Variants in FMN2 observed in about 807,000 individuals in gnomAD.
The protein encoded by FMN2 is formin-2.
A neutral mutation model predicts 142.3 loss-of-function variants in FMN2; 51 were observed. The observed-to-expected ratio is 0.36, with a 90% CI of 0.29 to 0.45. The LOEUF (loss-of-function observed/expected upper bound fraction) is 0.45. FMN2 is among the 20% of genes least tolerant of loss of function. The probability of loss-of-function intolerance (pLI) is 1.00; values close to 1 mark genes in which losing one functional copy is unlikely to be tolerated. For synonymous variants in FMN2, 882 were observed against 869.8 expected (o/e 1.01, Z -0.25); for missense variants, 1,936 against 2,122.8 (o/e 0.91, Z 1.73).
chr1:240,161,784 A>G (rs1664292938), intron 2 of FMN2, among the ~76,000 whole-genome samples: 1 of 152,156 alleles, frequency 6.6e-6, no homozygotes. Flanking sequence ...AAAGATAATG[A>G]AAGTTGATAT....
At chr1:240,359,571 C>A (rs1421424169) in intron 14 of FMN2, among the ~76,000 whole-genome samples, 1 of 152,144 alleles carries the variant, frequency 6.6e-6, no homozygotes, top group Non-Finnish European at 1.5e-5. Context: ...GCCCTGCAAC[C>A]CATTCAATTT....
chr1:240,197,217 A>G (rs537115491), intron 4 of FMN2, among the ~76,000 whole-genome samples: 17 of 152,192 alleles, frequency 1.1e-4, no homozygotes, highest in African/African-American at 4.1e-4. Context: ...AAAACCCCCA[A>G]AATTGATGGG....
At chr1:240,319,385 C>G (rs73124120) in intron 8 of FMN2, among the ~76,000 whole-genome samples, 23,584 of 152,174 alleles carry the variant, frequency 0.15, 1,840 homozygotes, top group South Asian at 0.23. Flanking sequence ...CCTTAGAACA[C>G]TGGTTCCTTG....
At chr1:240,189,498 CAAAT>C (rs1338527271) in intron 4 of FMN2, among the ~76,000 whole-genome samples, 2 of 152,190 alleles carry the variant, frequency 1.3e-5, no homozygotes, top group African/African-American at 4.8e-5. Flanking sequence ...GATAACTCAT[CAAAT>C]AAAGTAACTT....
intron 15 of FMN2, among the ~76,000 whole-genome samples, chr1:240,425,204 T>A (rs371279924): frequency 4.2e-4 from 56 of 134,930 alleles, no homozygotes; most frequent in South Asian, 5.4e-4. Context: ...TTGAATGAGG[T>A]GAGAGAGAGA....
intron 6 of FMN2, among the ~76,000 whole-genome samples, chr1:240,236,070 G>C (rs1335546033): frequency 6.6e-6 from 1 of 152,182 alleles, no homozygotes; most frequent in Non-Finnish European, 1.5e-5. Context: ...AGACACAAAG[G>C]AGGTGGGTGT....
chr1:240,388,019 T>G, intron 14 of FMN2, among the ~76,000 whole-genome samples: 1 of 150,964 alleles, frequency 6.6e-6, no homozygotes, highest in East Asian at 2.0e-4. Flanking sequence ...CTACTAAAAA[T>G]ACAAAAAATT....
At chr1:240,320,611 A>T (rs1187035263) in intron 8 of FMN2, among the ~76,000 whole-genome samples, 1 of 152,170 alleles carries the variant, frequency 6.6e-6, no homozygotes, top group Non-Finnish European at 1.5e-5. Context: ...TTCTTTAAAG[A>T]TGTGATGACC....
At chr1:240,405,184 C>T (rs372051446) in intron 15 of FMN2, among the ~76,000 whole-genome samples, 2 of 152,084 alleles carry the variant, frequency 1.3e-5, no homozygotes, top group Non-Finnish European at 2.9e-5. Context: ...TTCTAATCAC[C>T]GTGCTCTTGA....
intron 7 of FMN2, among the ~76,000 whole-genome samples, chr1:240,272,047 T>C (rs2102921921): frequency 6.6e-6 from 1 of 152,300 alleles, no homozygotes; most frequent in South Asian, 2.1e-4. Context: ...ATGGTTATTC[T>C]TTTCCCTCAT....
intron 15 of FMN2, among the ~76,000 whole-genome samples, chr1:240,404,127 T>C (rs1470836165): frequency 1.3e-5 from 2 of 152,204 alleles, no homozygotes; most frequent in African/African-American, 4.8e-5. Context: ...GGAATGTGGG[T>C]TCCACTAGTT....
chr1:240,113,726 A>G (rs1661910277), intron 1 of FMN2, among the ~76,000 whole-genome samples: 1 of 151,986 alleles, frequency 6.6e-6, no homozygotes, highest in South Asian at 2.1e-4. Flanking sequence ...GTCTCTGTCC[A>G]CTCCCCCTGA....
intron 1 of FMN2, among the ~76,000 whole-genome samples, chr1:240,119,242 T>C (rs1662143459): frequency 6.6e-6 from 1 of 151,480 alleles, no homozygotes; most frequent in South Asian, 2.1e-4. Context: ...GGCAGGAGAA[T>C]TGCTTGAACC....
chr1:240,258,413 G>T (rs1235496696), intron 7 of FMN2, among the ~76,000 whole-genome samples: 2 of 152,146 alleles, frequency 1.3e-5, no homozygotes, highest in Non-Finnish European at 2.9e-5. Flanking sequence ...CTTTCAGGTT[G>T]CAGACTGCCA....
intron 8 of FMN2, among the ~76,000 whole-genome samples, chr1:240,299,538 A>G (rs903615845): frequency 6.6e-6 from 1 of 152,214 alleles, no homozygotes; most frequent in Non-Finnish European, 1.5e-5. Context: ...TTGCTATCCC[A>G]GCAATAATCT....
intron 2 of FMN2, among the ~76,000 whole-genome samples, chr1:240,137,069 C>CAAAAAAA (rs563163509): frequency 5.3e-5 from 4 of 76,186 alleles, no homozygotes; most frequent in Admixed American, 1.6e-4. Context: ...AACTCCGTCT[C>CAAAAAAA]AAAAAAAAAA....
At chr1:240,209,995 T>C (rs1011173000) in intron 5 of FMN2, among the ~76,000 whole-genome samples, 16 of 152,196 alleles carry the variant, frequency 1.1e-4, no homozygotes, top group African/African-American at 3.6e-4. Flanking sequence ...GAAACATGCT[T>C]CACAAAAATA....
chr1:240,397,009 T>C (rs1039150711), intron 15 of FMN2, among the ~76,000 whole-genome samples: 1 of 152,206 alleles, frequency 6.6e-6, no homozygotes. Context: ...TAGTTCTGTT[T>C]TCAGTTCTTT....
At chr1:240,356,028 G>T in intron 14 of FMN2, 120 bp downstream of exon 14, 1 of 651,864 alleles carries the variant, frequency 1.5e-6, no homozygotes, top group South Asian at 2.3e-5. Context: ...GCTTTAAAAG[G>T]GCTTATTTTG....
Sources: allele counts gnomAD v4.1 joint callset (sites outside exome capture counted in the v4.1 genomes callset), GRCh38; gene constraint gnomAD v4.1.1; transcripts MANE v1.5; gene names NCBI Gene and HGNC (gene_info 2026-07-23, HGNC 2026-07-21).